ESR1: variants seen among roughly 807,000 people sequenced by gnomAD.
The protein encoded by ESR1 is estrogen receptor.
Under a neutral mutation model 52.7 loss-of-function variants are expected in ESR1, and 12 were observed. The observed-to-expected ratio is 0.23, with a 90% CI of 0.15 to 0.37. The LOEUF (loss-of-function observed/expected upper bound fraction) is 0.37, where lower values mean the gene tolerates loss of function less well. ESR1 is among the 10% of genes least tolerant of loss of function. The pLI is 1.00. For missense variants in ESR1, 584 were observed against 779.7 expected (o/e 0.75, Z 2.99); for synonymous variants, 305 against 316.8 (o/e 0.96, Z 0.39).
chr6:151,930,327 A>C (rs2033407272), intron 3 of ESR1, among the ~76,000 whole-genome samples: 1 of 152,160 alleles, frequency 6.6e-6, no homozygotes, highest in Non-Finnish European at 1.5e-5. Context: ...GTGCCGCTAA[A>C]GTTCACAGTA....
chr6:152,121,543 C>G (rs913267307), intron 6 of ESR1: 1 of 152,340 alleles, frequency 6.6e-6, no homozygotes, highest in Non-Finnish European at 1.5e-5. Context: ...CTGCCTCTTG[C>G]CATCCTTTTC....
intron 2 of ESR1, among the ~76,000 whole-genome samples, chr6:151,784,139 G>C (rs1371610969): frequency 6.6e-6 from 1 of 152,098 alleles, no homozygotes; most frequent in Non-Finnish European, 1.5e-5. Flanking sequence ...TTTCCACACT[G>C]TACTCTTTGA....
intron 4 of ESR1, among the ~76,000 whole-genome samples, chr6:151,970,597 G>C (rs559033945): frequency 6.6e-6 from 1 of 152,152 alleles, no homozygotes; most frequent in East Asian, 1.9e-4. Context: ...TGCTGTACAG[G>C]GAATTATTCA....
At chr6:151,943,248 C>T (rs1361177718) in intron 3 of ESR1, among the ~76,000 whole-genome samples, 2 of 151,948 alleles carry the variant, frequency 1.3e-5, no homozygotes, top group Non-Finnish European at 2.9e-5. Context: ...GGCATGGTGG[C>T]AGGTGCCTGT....
chr6:152,115,809 A>G (rs1366238048), intron 6 of ESR1, among the ~76,000 whole-genome samples: 1 of 152,244 alleles, frequency 6.6e-6, no homozygotes, highest in Admixed American at 6.5e-5. Flanking sequence ...TTTTAAAAAC[A>G]ATGAGCTACT....
intron 6 of ESR1, among the ~76,000 whole-genome samples, chr6:152,112,146 C>T (rs930687794): frequency 6.6e-6 from 1 of 152,180 alleles, no homozygotes; most frequent in African/African-American, 2.4e-5. Context: ...AACCTGGGTC[C>T]AGGCAGCAGA....
chr6:151,791,368 C>A (rs188228470), intron 2 of ESR1, among the ~76,000 whole-genome samples: 1 of 152,156 alleles, frequency 6.6e-6, no homozygotes, highest in Admixed American at 6.5e-5. Context: ...TTCTCTTTCA[C>A]GAGCTCTCTT....
At chr6:152,116,484 G>A (rs2051211905) in intron 6 of ESR1, among the ~76,000 whole-genome samples, 1 of 152,132 alleles carries the variant, frequency 6.6e-6, no homozygotes, top group Admixed American at 6.5e-5. Context: ...GTTTGCATAA[G>A]AAAATCAAAA....
At chr6:152,028,365 T>C (rs6557182) in intron 5 of ESR1, among the ~76,000 whole-genome samples, 68,154 of 151,980 alleles carry the variant, frequency 0.45, 17,506 homozygotes, top group African/African-American at 0.7. Flanking sequence ...ACCTGGGAAG[T>C]GCAAGGGGTC....
At chr6:151,800,488 A>G (rs193240980), upstream of ESR1, among the ~76,000 whole-genome samples, 1 of 152,280 alleles carries the variant, frequency 6.6e-6, no homozygotes, top group East Asian at 1.9e-4. Flanking sequence ...ATCTGGAGAT[A>G]GGGTCTTTGG....
intron 2 of ESR1, among the ~76,000 whole-genome samples, chr6:151,846,203 T>C (rs939592056): frequency 2.0e-5 from 3 of 152,210 alleles, no homozygotes; most frequent in Non-Finnish European, 4.4e-5. Flanking sequence ...CGGGGAATTC[T>C]ATGCGTAATA....
chr6:152,070,838 C>T (rs1239302595), intron 6 of ESR1, among the ~76,000 whole-genome samples: 1 of 138,926 alleles, frequency 7.2e-6, no homozygotes, highest in African/African-American at 3.2e-5. Context: ...GCTCCATTTC[C>T]TCTGAGTTTT....
intron 3 of ESR1, among the ~76,000 whole-genome samples, chr6:151,912,910 G>T (rs1401234631): frequency 6.6e-6 from 1 of 151,892 alleles, no homozygotes; most frequent in Non-Finnish European, 1.5e-5. Flanking sequence ...CACACAACGG[G>T]GCCTGTCGGG....
chr6:151,885,493 C>G (rs533843107), intron 3 of ESR1, among the ~76,000 whole-genome samples: 2 of 152,344 alleles, frequency 1.3e-5, no homozygotes, highest in East Asian at 3.9e-4. Flanking sequence ...AATGCTGGCT[C>G]CTCCTCAAAC....
At chr6:151,825,553 G>A (rs1781335587) in intron 1 of ESR1, among the ~76,000 whole-genome samples, 1 of 152,140 alleles carries the variant, frequency 6.6e-6, no homozygotes, top group Non-Finnish European at 1.5e-5. Flanking sequence ...ACCTGAGGCC[G>A]TTAAAGAATT....
intron 2 of ESR1, among the ~76,000 whole-genome samples, chr6:151,777,645 T>G (rs1256375298): frequency 6.6e-6 from 1 of 152,056 alleles, no homozygotes; most frequent in African/African-American, 2.4e-5. Context: ...TCATAGGAAG[T>G]GGGTGACCAT....
At chr6:151,742,528 G>A (rs1411507440) in intron 2 of ESR1, among the ~76,000 whole-genome samples, 3 of 152,172 alleles carry the variant, frequency 2.0e-5, no homozygotes, top group Non-Finnish European at 4.4e-5. Flanking sequence ...CTCTGGAACT[G>A]GCTTGCTCAT....
chr6:151,694,547 G>T (rs1057260309), intron 1 of ESR1, among the ~76,000 whole-genome samples: 4 of 152,182 alleles, frequency 2.6e-5, no homozygotes, highest in South Asian at 2.1e-4. Flanking sequence ...CAGCACTTTG[G>T]GGGGCTGAGG....
chr6:152,041,329 C>T (rs1008942530), intron 5 of ESR1, among the ~76,000 whole-genome samples: 2 of 152,154 alleles, frequency 1.3e-5, no homozygotes, highest in Admixed American at 1.3e-4. Flanking sequence ...TCTTCTGGAT[C>T]CCACTCAAAA....
Sources: allele counts gnomAD v4.1 joint callset (sites outside exome capture counted in the v4.1 genomes callset), GRCh38; gene constraint gnomAD v4.1.1; transcripts MANE v1.5; gene names NCBI Gene and HGNC (gene_info 2026-07-23, HGNC 2026-07-21).